The following KCNH5 variants were observed in gnomAD, a reference collection of about 807,000 sequenced individuals.
KCNH5 encodes potassium voltage-gated channel subfamily H member 5, also known as voltage-gated delayed rectifier potassium channel KCNH5.
KCNH5 carries 46 observed loss-of-function variants against 96.1 expected under a neutral mutation model. That is an observed-to-expected ratio of 0.48 (90% CI 0.38 to 0.61). The LOEUF (loss-of-function observed/expected upper bound fraction) is 0.61, where lower values mean the gene tolerates loss of function less well. Among genes scored for constraint, KCNH5 ranks in the 20% least tolerant of loss-of-function variants. The probability of loss-of-function intolerance (pLI) is 0.00; values close to 1 mark genes in which losing one functional copy is unlikely to be tolerated. For synonymous variants in KCNH5, 439 were observed against 449.8 expected (o/e 0.98, Z 0.30); for missense variants, 907 against 1,225.8 (o/e 0.74, Z 3.88).
At chr14:62,770,191 A>G (rs1885955986) in intron 10 of KCNH5, among the ~76,000 whole-genome samples, 1 of 152,182 alleles carries the variant, frequency 6.6e-6, no homozygotes, top group African/African-American at 2.4e-5. Flanking sequence ...ACTGAAATAG[A>G]TGCAATCTGC....
intron 6 of KCNH5, among the ~76,000 whole-genome samples, chr14:62,951,653 T>C (rs1362055392): frequency 1.3e-5 from 2 of 152,158 alleles, no homozygotes; most frequent in Non-Finnish European, 2.9e-5. Flanking sequence ...ATGTTAAAGT[T>C]CCTGACAGTT....
intron 7 of KCNH5, among the ~76,000 whole-genome samples, chr14:62,890,622 C>A (rs1156910064): frequency 6.7e-6 from 1 of 150,154 alleles, no homozygotes; most frequent in Non-Finnish European, 1.5e-5. Context: ...TGGCGTGAAC[C>A]CGGGAGGCGG....
chr14:63,037,255 G>C (rs545790993), intron 1 of KCNH5, among the ~76,000 whole-genome samples: 10 of 152,088 alleles, frequency 6.6e-5, no homozygotes, highest in Non-Finnish European at 1.3e-4. Flanking sequence ...GAGCTAGTAA[G>C]TGTCAGAGCC....
chr14:62,801,016 C>T (rs1886648690), intron 9 of KCNH5, among the ~76,000 whole-genome samples: 1 of 151,918 alleles, frequency 6.6e-6, no homozygotes, highest in South Asian at 2.1e-4. Context: ...GCTTACAAAC[C>T]TTGGTATTCA....
At chr14:63,009,910 C>T (rs371238870) in intron 2 of KCNH5, among the ~76,000 whole-genome samples, 4 of 152,268 alleles carry the variant, frequency 2.6e-5, no homozygotes, top group East Asian at 1.9e-4. Flanking sequence ...TAGTAATCAA[C>T]GGGCTTTAGA....
At chr14:62,718,960 C>T (rs926317329) in intron 10 of KCNH5, among the ~76,000 whole-genome samples, 10 of 152,078 alleles carry the variant, frequency 6.6e-5, no homozygotes, top group Non-Finnish European at 8.8e-5. Flanking sequence ...ACTAAAGGGG[C>T]CACATCTTAA....
At chr14:62,847,022 A>C (rs569563424) in intron 8 of KCNH5, among the ~76,000 whole-genome samples, 3 of 149,128 alleles carry the variant, frequency 2.0e-5, no homozygotes, top group Admixed American at 6.7e-5. Flanking sequence ...GGATGGTCTC[A>C]ATCTCCTGAC....
At chr14:62,814,592 G>A (rs1045663705) in intron 8 of KCNH5, among the ~76,000 whole-genome samples, 1 of 151,766 alleles carries the variant, frequency 6.6e-6, no homozygotes, top group African/African-American at 2.4e-5. Context: ...AGACCAGCCT[G>A]GCCAACATGG....
chr14:62,892,408 G>A (rs867595765), intron 7 of KCNH5, among the ~76,000 whole-genome samples: 4 of 152,190 alleles, frequency 2.6e-5, no homozygotes, highest in Non-Finnish European at 5.9e-5. Context: ...AGCTACCAGA[G>A]ATTGGTCCAG....
intron 7 of KCNH5, among the ~76,000 whole-genome samples, chr14:62,894,914 T>G (rs1888780801): frequency 6.6e-6 from 1 of 152,238 alleles, no homozygotes; most frequent in South Asian, 2.1e-4. Context: ...CCCTCTGTTC[T>G]ACAGCTGGGA....
intron 7 of KCNH5, among the ~76,000 whole-genome samples, chr14:62,903,236 C>A (rs916925347): frequency 1.1e-4 from 16 of 152,218 alleles, no homozygotes; most frequent in Non-Finnish European, 2.2e-4. Context: ...AAAAGATGGA[C>A]TTCTCAAACC....
chr14:62,959,666 T>C (rs1890169952), intron 6 of KCNH5, among the ~76,000 whole-genome samples: 1 of 152,180 alleles, frequency 6.6e-6, no homozygotes, highest in Middle Eastern at 3.2e-3. Context: ...AGTATAATCC[T>C]CTGTCCTCCC....
At chr14:63,034,887 T>C (rs1188124399) in intron 1 of KCNH5, among the ~76,000 whole-genome samples, 1 of 152,250 alleles carries the variant, frequency 6.6e-6, no homozygotes, top group Non-Finnish European at 1.5e-5. Context: ...TTTCTACTTT[T>C]AATAGTTGGT....
chr14:62,779,491 T>C (rs1886163802), intron 10 of KCNH5, among the ~76,000 whole-genome samples: 2 of 152,222 alleles, frequency 1.3e-5, no homozygotes, highest in Admixed American at 1.3e-4. Context: ...TCTCTTCAAG[T>C]CTGTTTTTCA....
At chr14:62,909,869 T>C (rs1349148814) in intron 7 of KCNH5, among the ~76,000 whole-genome samples, 1 of 152,128 alleles carries the variant, frequency 6.6e-6, no homozygotes, top group Non-Finnish European at 1.5e-5. Context: ...GCTTTGCTCC[T>C]TCCGCTTGCC....
intron 7 of KCNH5, among the ~76,000 whole-genome samples, chr14:62,908,945 C>T (rs774978537): frequency 1.9e-4 from 29 of 149,992 alleles, no homozygotes; most frequent in Non-Finnish European, 3.5e-4. Flanking sequence ...CCAAATGACT[C>T]TTTGAGCAAA....
At chr14:62,752,628 C>T (rs1885526437) in intron 10 of KCNH5, among the ~76,000 whole-genome samples, 1 of 152,052 alleles carries the variant, frequency 6.6e-6, no homozygotes, top group Non-Finnish European at 1.5e-5. Context: ...TATGGTTTGG[C>T]TCTGTGTCCC....
At chr14:62,952,622 AT>A (rs1483090138) in intron 6 of KCNH5, among the ~76,000 whole-genome samples, 2 of 152,242 alleles carry the variant, frequency 1.3e-5, no homozygotes, top group East Asian at 3.8e-4. Context: ...TTCTGTTTAA[AT>A]ACTGCATAGA....
At chr14:62,923,682 A>G (rs966455682) in intron 7 of KCNH5, among the ~76,000 whole-genome samples, 7 of 151,906 alleles carry the variant, frequency 4.6e-5, no homozygotes, top group African/African-American at 1.7e-4. Flanking sequence ...AAAGTCAACT[A>G]ATCTTCAGCA....
Sources: allele counts gnomAD v4.1 joint callset (sites outside exome capture counted in the v4.1 genomes callset), GRCh38; gene constraint gnomAD v4.1.1; transcripts MANE v1.5; gene names NCBI Gene and HGNC (gene_info 2026-07-23, HGNC 2026-07-21).